Variants in ATP6V1H observed in about 807,000 individuals in gnomAD.
The protein encoded by ATP6V1H is V-type proton ATPase subunit H.
Under a neutral mutation model 71.7 loss-of-function variants are expected in ATP6V1H, and 39 were observed. The observed-to-expected ratio is 0.54, with a 90% CI of 0.42 to 0.71. The LOEUF is 0.71. Among genes scored for constraint, ATP6V1H ranks in the 30% least tolerant of loss-of-function variants. The probability of loss-of-function intolerance (pLI) is 0.00; values close to 1 mark genes in which losing one functional copy is unlikely to be tolerated. For synonymous variants in ATP6V1H, 192 were observed against 199.3 expected, an observed-to-expected ratio of 0.96 and a Z score of 0.31; for missense variants, 509 against 594.9, an observed-to-expected ratio of 0.86 and a Z score of 1.50.
At chr8:53,819,694 A>T (rs1386119041) in intron 4 of ATP6V1H, among the ~76,000 whole-genome samples, 1 of 120,616 alleles carries the variant, frequency 8.3e-6, no homozygotes, top group African/African-American at 3.9e-5. Flanking sequence ...ACAAATGTAT[A>T]TATGTATATA....
chr8:53,787,718 C>A (rs1809431171), intron 9 of ATP6V1H, among the ~76,000 whole-genome samples: 1 of 152,144 alleles, frequency 6.6e-6, no homozygotes, highest in East Asian at 1.9e-4. Flanking sequence ...TCAGTCACAG[C>A]CCCAAAACAT....
chr8:53,754,037 G>T (rs1409230632), intron 12 of ATP6V1H, among the ~76,000 whole-genome samples: 1 of 152,148 alleles, frequency 6.6e-6, no homozygotes. Flanking sequence ...CATAAAGGAA[G>T]CCAGATGAGC....
intron 13 of ATP6V1H, among the ~76,000 whole-genome samples, chr8:53,728,839 C>A (rs975110472): frequency 6.6e-6 from 1 of 152,188 alleles, no homozygotes; most frequent in Non-Finnish European, 1.5e-5. Flanking sequence ...CTTTCCCCAA[C>A]GGATGCAGAG....
chr8:53,751,978 A>C (rs1272694176), intron 12 of ATP6V1H, among the ~76,000 whole-genome samples: 1 of 152,152 alleles, frequency 6.6e-6, no homozygotes, highest in Non-Finnish European at 1.5e-5. Flanking sequence ...AATAAAGATC[A>C]TTTCTATCAC....
intron 9 of ATP6V1H, among the ~76,000 whole-genome samples, chr8:53,792,075 T>G (rs1465042128): frequency 2.0e-5 from 3 of 152,234 alleles, no homozygotes; most frequent in Non-Finnish European, 4.4e-5. Flanking sequence ...TAAAGCCTCA[T>G]TAATACAACC....
At chr8:53,748,085 G>A (rs1233873517) in intron 12 of ATP6V1H, among the ~76,000 whole-genome samples, 1 of 151,884 alleles carries the variant, frequency 6.6e-6, no homozygotes, top group East Asian at 2.0e-4. Context: ...TTGAACCGAG[G>A]AGGTGGAGGT....
rs1408859474 is a variant in ATP6V1H, at chr8:53,829,188, AC to A, written c.306+255del. ...ATACAGCAAGCTTTGCTGGCGTTCA[AC>A]AAAAAACTCTGAGGTATCTCAGAAA... On this transcript the variant is annotated intron_variant, in intron 4 of 13. Transcript: ENST00000359530. Among the ~76,000 whole-genome samples the A allele has an allele frequency of 2.6e-5, 4 of 152,374 alleles. No homozygotes were observed. In the East Asian group the frequency reaches 5.8e-4, roughly 22 times the overall value.
At chr8:53,800,101 G>A (rs1275781186) in intron 8 of ATP6V1H, among the ~76,000 whole-genome samples, 7 of 152,088 alleles carry the variant, frequency 4.6e-5, no homozygotes, top group Non-Finnish European at 1.0e-4. Flanking sequence ...ATGGGTTTCC[G>A]GGACAGAAAC....
At chr8:53,814,640 A>C in intron 6 of ATP6V1H, 22 bp downstream of exon 6, 2 of 1,298,010 alleles carry the variant, frequency 1.5e-6, no homozygotes, top group Non-Finnish European at 2.2e-6. Flanking sequence ...TTTCAAAGGT[A>C]CTTTAAAAAA....
chr8:53,777,502 T>C (rs921807819), intron 9 of ATP6V1H, among the ~76,000 whole-genome samples: 2 of 151,854 alleles, frequency 1.3e-5, no homozygotes, highest in Non-Finnish European at 2.9e-5. Context: ...AAAACAGAAC[T>C]ATATCCAGCA....
chr8:53,757,706 A>G (rs1808122845), intron 11 of ATP6V1H, among the ~76,000 whole-genome samples: 1 of 152,150 alleles, frequency 6.6e-6, no homozygotes, highest in African/African-American at 2.4e-5. Context: ...GAGACACAAT[A>G]TTCAGTTTTC....
rs376042249 is a variant in ATP6V1H at position 53,794,585 on chromosome 8, C to T, written c.870+1062G>A. 1.1e-4 allele frequency among the ~76,000 whole-genome samples: 17 copies of T among 152,202 alleles called. No individual in the cohort carries two copies. In the East Asian group the frequency reaches 2.9e-3, roughly 26 times the overall value. On this transcript the variant is annotated intron_variant, in intron 9 of 13. Transcript: ENST00000359530. Reference sequence around the variant, plus strand: ...TTCACTGTGTTGGCCAGGATGGTCTCGATCTCCTGACCTCAGGTGATCCGC... The same window carrying T: ...TTCACTGTGTTGGCCAGGATGGTCTTGATCTCCTGACCTCAGGTGATCCGC...
At chr8:53,733,689 G>A (rs1807104668) in intron 13 of ATP6V1H, among the ~76,000 whole-genome samples, 1 of 152,226 alleles carries the variant, frequency 6.6e-6, no homozygotes, top group Non-Finnish European at 1.5e-5. Context: ...CTTAGGAGCT[G>A]TGGGGTTCTG....
intron 9 of ATP6V1H, among the ~76,000 whole-genome samples, chr8:53,788,683 A>G (rs1403349302): frequency 6.6e-6 from 1 of 152,212 alleles, no homozygotes; most frequent in Non-Finnish European, 1.5e-5. Flanking sequence ...TGGGAGTTCA[A>G]GCCACTCTCC....
At chr8:53,721,728 G>A (rs1364568957) in intron 13 of ATP6V1H, among the ~76,000 whole-genome samples, 1 of 152,132 alleles carries the variant, frequency 6.6e-6, no homozygotes, top group Non-Finnish European at 1.5e-5. Context: ...ACCTCTCACT[G>A]GGTGGAGACA....
chr8:53,841,664 A>T lies in ATP6V1H; in HGVS notation c.27T>A (p.Ala9=). The T allele has an allele frequency of 6.2e-7, 1 of 1,614,038 alleles. No homozygotes were observed. The highest frequency in any genetic ancestry group is 8.5e-7 in the Non-Finnish European group (1 of 1,179,918). The part of the protein sequence containing the change: MTKMDIRG[A]VDAAVPTNII... Reference sequence around the variant, plus strand: ...TATTGGTGGGGACAGCAGCATCCACAGCACCTCGGATATCCATTTTGGTCA... The same window carrying T: ...TATTGGTGGGGACAGCAGCATCCACTGCACCTCGGATATCCATTTTGGTCA... Residue 9 remains alanine, a synonymous_variant, in exon 2 of 14, where the codon GCT becomes GCA. Transcript: ENST00000359530.
At chr8:53,817,371 C>CT in intron 5 of ATP6V1H, 46 bp downstream of exon 5, 1 of 1,373,118 alleles carries the variant, frequency 7.3e-7, no homozygotes, top group Non-Finnish European at 1.0e-6. Context: ...GACCCTCTCT[C>CT]TTTAAAAAAA....
chr8:53,760,282 T>A (rs1363075467), intron 11 of ATP6V1H, among the ~76,000 whole-genome samples: 1 of 152,112 alleles, frequency 6.6e-6, no homozygotes, highest in African/African-American at 2.4e-5. Context: ...GCTCAACTGA[T>A]AAGGGAAAAA....
At chr8:53,755,710 A>AATTTTTTTTTTTTTTTTTTTTTT (rs1808004759) in intron 12 of ATP6V1H, among the ~76,000 whole-genome samples, 1 of 10,442 alleles carries the variant, frequency 9.6e-5, no homozygotes, top group African/African-American at 3.5e-4. Flanking sequence ...ATATATATAT[A>AATTTTTTTTTTTTTTTTTTTTTT]TATATATATA....
Sources: gnomAD v4.1 joint callset for allele counts (sites outside exome capture counted in the v4.1 genomes callset) on GRCh38, gnomAD v4.1.1 for gene constraint, MANE v1.5 for transcripts, NCBI Gene and HGNC (gene_info 2026-07-23, HGNC 2026-07-21) for gene names.